The following PIR variants were observed in gnomAD, a reference collection of about 807,000 sequenced individuals.
PIR encodes the protein pirin.
A neutral mutation model predicts 24.2 loss-of-function variants in PIR; 22 were observed. The observed-to-expected ratio is 0.91, with a 90% CI of 0.65 to 1.30. The LOEUF (loss-of-function observed/expected upper bound fraction) is 1.30. PIR is among the 50% of genes most tolerant of loss of function. The pLI, the probability that PIR is intolerant of heterozygous loss-of-function variation, is 0.00. For missense variants in PIR, 220 were observed against 220.3 expected, an observed-to-expected ratio of 1.00 and a Z score of 0.01; for synonymous variants, 80 against 79.6, an observed-to-expected ratio of 1.00 and a Z score of -0.03.
At chrX:15,398,582 C>T (rs1332170774) in intron 7 of PIR, among the ~76,000 whole-genome samples, 1 of 109,178 alleles carries the variant, frequency 9.2e-6, no homozygotes, top group Non-Finnish European at 1.9e-5. Context: ...TTGGGAAGAA[C>T]GATGGAAATG....
At chrX:15,410,582 A>G (rs2147017668) in intron 6 of PIR, among the ~76,000 whole-genome samples, 1 of 112,007 alleles carries the variant, frequency 8.9e-6, no homozygotes, top group South Asian at 3.7e-4. Context: ...AATCTAGTCC[A>G]CAAATAATTG....
chrX:15,388,891 C>A (rs1288809880), intron 9 of PIR, among the ~76,000 whole-genome samples: 1 of 112,181 alleles, frequency 8.9e-6, no homozygotes, highest in Non-Finnish European at 1.9e-5. Context: ...TGCTTTGCTT[C>A]TCAGTAACTG....
At chrX:15,411,235 T>C (rs1319652077) in intron 6 of PIR, among the ~76,000 whole-genome samples, 1 of 112,154 alleles carries the variant, frequency 8.9e-6, no homozygotes. Flanking sequence ...ACATTTTCGT[T>C]CTGGCCTCCT....
chrX:15,386,381 C>T (rs1923749683), intron 9 of PIR, among the ~76,000 whole-genome samples: 1 of 111,275 alleles, frequency 9.0e-6, no homozygotes, highest in Non-Finnish European at 1.9e-5. Context: ...AAGAAAACAC[C>T]CAGGCATCTA....
intron 6 of PIR, among the ~76,000 whole-genome samples, chrX:15,412,743 C>G (rs1357720011): frequency 8.9e-6 from 1 of 112,018 alleles, no homozygotes. Context: ...CCATGCAACT[C>G]TCTCTTGGGG....
chrX:15,408,385 C>T (rs1924618277), intron 6 of PIR, among the ~76,000 whole-genome samples: 1 of 111,229 alleles, frequency 9.0e-6, no homozygotes, highest in South Asian at 3.8e-4. Flanking sequence ...AATACATAAT[C>T]TTAGGGATAT....
At chrX:15,481,992 G>A (rs1198595327) in intron 2 of PIR, among the ~76,000 whole-genome samples, 3 of 111,558 alleles carry the variant, frequency 2.7e-5, no homozygotes, top group Non-Finnish European at 5.6e-5. Flanking sequence ...CAAAAAGCAA[G>A]GCAAGTCAAC....
intron 8 of PIR, among the ~76,000 whole-genome samples, chrX:15,394,991 G>C (rs1924080653): frequency 8.9e-6 from 1 of 112,067 alleles, no homozygotes; most frequent in East Asian, 2.8e-4. Flanking sequence ...AGTAGTAAAA[G>C]TGCAGGAAGA....
chrX:15,444,594 C>T (rs1926026999), intron 5 of PIR, among the ~76,000 whole-genome samples: 1 of 111,474 alleles, frequency 9.0e-6, no homozygotes, highest in African/African-American at 3.3e-5. Context: ...CTTCAATAAA[C>T]GGGTCTGCTT....
Position 15,470,769 on chromosome X carries a change from T to A in PIR, c.189+8960A>T, listed in dbSNP as rs768279058. Among the ~76,000 whole-genome samples, 8 of 109,504 alleles carry A rather than the reference T, an allele frequency of 7.3e-5. No individual in the cohort carries two copies. The East Asian group carries it at 2.3e-3, about 31-fold the overall frequency. ...GGCGCCCACCACCACGCCCAGCTAA[T>A]TTTTTGTATTTTCAGTAGAGACGGG... On this transcript the variant is annotated intron_variant, in intron 3 of 9. Transcript: ENST00000380420.
At chrX:15,436,438 C>G (rs1925752622) in intron 5 of PIR, among the ~76,000 whole-genome samples, 2 of 111,995 alleles carry the variant, frequency 1.8e-5, no homozygotes, top group Admixed American at 1.9e-4. Flanking sequence ...AGTCAGCATC[C>G]TTGCCTGAAT....
chrX:15,392,949 T>C (rs936690803), intron 8 of PIR, among the ~76,000 whole-genome samples: 8 of 112,497 alleles, frequency 7.1e-5, no homozygotes, highest in Non-Finnish European at 1.1e-4. Flanking sequence ...GTTGCTGTTA[T>C]CTTGAAAAGT....
At position 15,459,751 on chromosome X, in the gene PIR, CA is replaced by C; in HGVS notation, c.190-12del. 9.4e-7 allele frequency: 1 copy of C among 1,060,062 alleles called. No homozygotes were observed. The highest frequency in any genetic ancestry group is 1.3e-6 in the Non-Finnish European group (1 of 759,802). The allele number at this position is 1,060,062 out of a possible 1,213,427, so 87.4% of individuals were successfully genotyped here. ...CAGGAGGTAGGATACCTTTGAAAAACAAACAGGAAAAAAAGTAGATCCTTTG... is the reference window on the plus strand; with the variant it reads ...CAGGAGGTAGGATACCTTTGAAAAACAACAGGAAAAAAAGTAGATCCTTTG... On this transcript the variant is annotated splice_polypyrimidine_tract_variant and intron_variant, in intron 3 of 9. Coordinates refer to ENST00000380420, the MANE Select transcript of PIR (RefSeq NM_001018109.3).
At chrX:15,397,257 C>T (rs1182375571) in intron 8 of PIR, among the ~76,000 whole-genome samples, 192 bp downstream of exon 8, 1 of 111,369 alleles carries the variant, frequency 9.0e-6, no homozygotes, top group African/African-American at 3.3e-5. Flanking sequence ...GATAAAGAAT[C>T]AATAAAGATA....
At chrX:15,403,988 ATTTTCTTTTTTTTTTTT>A (rs1376473799) in intron 7 of PIR, among the ~76,000 whole-genome samples, 16 of 81,968 alleles carry the variant, frequency 2.0e-4, no homozygotes, top group Admixed American at 5.8e-4. Flanking sequence ...AACATCCAGC[ATTTTCTTTTTTTTTTTT>A]TTTTCTTTTT....
intron 2 of PIR, among the ~76,000 whole-genome samples, chrX:15,488,750 G>A (rs1381190441): frequency 9.0e-6 from 1 of 111,468 alleles, no homozygotes; most frequent in Admixed American, 9.5e-5. Context: ...CATACCTGGG[G>A]TACAGGAGAT....
intron 3 of PIR, among the ~76,000 whole-genome samples, chrX:15,477,570 T>A (rs1445682994): frequency 8.9e-6 from 1 of 112,148 alleles, no homozygotes; most frequent in East Asian, 2.8e-4. Context: ...AGACAGATAT[T>A]TTCTCCGTAA....
intron 5 of PIR, among the ~76,000 whole-genome samples, chrX:15,439,223 T>C (rs1925840137): frequency 8.9e-6 from 1 of 112,392 alleles, no homozygotes; most frequent in East Asian, 2.8e-4. Context: ...ACTCACTGCA[T>C]GTGGCTATTG....
intron 3 of PIR, among the ~76,000 whole-genome samples, chrX:15,468,441 T>C (rs1921715205): frequency 8.9e-6 from 1 of 112,674 alleles, no homozygotes; most frequent in Admixed American, 9.4e-5. Flanking sequence ...AAAACACTTG[T>C]TTGCACATAT....
Sources: gnomAD v4.1 joint callset for allele counts (sites outside exome capture counted in the v4.1 genomes callset) on GRCh38, gnomAD v4.1.1 for gene constraint, MANE v1.5 for transcripts, NCBI Gene and HGNC (gene_info 2026-07-23, HGNC 2026-07-21) for gene names.